The following PVALB variants were observed in gnomAD, a reference collection of about 807,000 sequenced individuals.
The protein encoded by PVALB is parvalbumin alpha.
PVALB carries 11 observed loss-of-function variants against 10.9 expected under a neutral mutation model. That is an observed-to-expected ratio of 1.01 (90% confidence interval 0.63 to 1.67). The LOEUF is 1.67. Among genes scored for constraint, PVALB ranks in the 40% most tolerant of loss-of-function variants. The pLI, the probability that PVALB is intolerant of heterozygous loss-of-function variation, is 0.00. For missense variants in PVALB, 131 were observed against 136.2 expected (o/e 0.96, Z 0.19); for synonymous variants, 57 against 50.7 (o/e 1.12, Z -0.53).
At chr22:36,810,176 C>T (rs1338636951) in intron 3 of PVALB, among the ~76,000 whole-genome samples, 1 of 152,368 alleles carries the variant, frequency 6.6e-6, no homozygotes, top group East Asian at 1.9e-4. Context: ...AGCCACTGCG[C>T]CCGGCATGCC....
upstream of PVALB, chr22:36,818,465 T>C (rs1939185422): frequency 6.5e-6 from 1 of 152,854 alleles, no homozygotes; most frequent in Non-Finnish European, 1.5e-5. Flanking sequence ...AGTCAGCTCC[T>C]TCAAGCCACA....
chr22:36,807,521 G>A lies in PVALB; in HGVS notation c.304+6125C>T, dbSNP rs1264004215. 3.3e-5 allele frequency among the ~76,000 whole-genome samples: 5 copies of A among 152,314 alleles called. No individual in the cohort carries two copies. The East Asian group carries it at 9.6e-4, about 29-fold the overall frequency. The stretch of plus-strand genomic sequence containing the variant: ...CTGCTTTAGACTCAATTTCCTTTCT[G>A]TTGAGGATTGAGATTCCACCACTTT... On this transcript the variant is annotated intron_variant, in intron 3 of 3. Coordinates refer to ENST00000417718, the MANE Select transcript of PVALB (RefSeq NM_001315532.2).
chr22:36,813,467 C>T, intron 3 of PVALB, 179 bp downstream of exon 3: 2 of 553,692 alleles, frequency 3.6e-6, no homozygotes, highest in Non-Finnish European at 6.5e-6. Context: ...ACCAGTTTTC[C>T]TTTGTCTGGA....
At chr22:36,813,214 G>A (rs1304336625) in intron 3 of PVALB, among the ~76,000 whole-genome samples, 2 of 152,338 alleles carry the variant, frequency 1.3e-5, no homozygotes, top group East Asian at 3.9e-4. Context: ...GAGGATGTGA[G>A]AGGCAGAGGA....
intron 3 of PVALB, among the ~76,000 whole-genome samples, chr22:36,810,997 C>T (rs535645208): frequency 2.6e-5 from 4 of 152,266 alleles, no homozygotes; most frequent in East Asian, 1.9e-4. Context: ...ATTGCATGGC[C>T]GGGTGCAGTG....
chr22:36,817,179 C>G (rs1033412579), upstream of PVALB: 24 of 500,900 alleles, frequency 4.8e-5, no homozygotes, highest in African/African-American at 4.3e-4. Context: ...CTCAGTCCAG[C>G]CGCGCCGCTG....
At chr22:36,815,437 G>C in intron 1 of PVALB, 1 of 681,662 alleles carries the variant, frequency 1.5e-6, no homozygotes. Flanking sequence ...GGGAGTGGAA[G>C]AGGTGTGCTC....
chr22:36,807,279 T>G (rs1302478512), intron 3 of PVALB, among the ~76,000 whole-genome samples: 1 of 152,106 alleles, frequency 6.6e-6, no homozygotes, highest in African/African-American at 2.4e-5. Context: ...AGTCTCTCAG[T>G]GGGCATCACA....
upstream of PVALB, among the ~76,000 whole-genome samples, chr22:36,819,039 G>A (rs1200019496): frequency 2.6e-5 from 4 of 152,066 alleles, no homozygotes; most frequent in Non-Finnish European, 4.4e-5. Context: ...CACCCCCTCC[G>A]GGACTGAGCC....
At chr22:36,811,312 G>A (rs945986898) in intron 3 of PVALB, among the ~76,000 whole-genome samples, 4 of 119,276 alleles carry the variant, frequency 3.4e-5, no homozygotes, top group East Asian at 3.2e-4. Context: ...AATAAATAAG[G>A]CATTGCAGTG....
intron 3 of PVALB, 151 bp from the exon 4 acceptor site, chr22:36,801,069 G>T: frequency 8.6e-6 from 6 of 695,654 alleles, no homozygotes; most frequent in Non-Finnish European, 1.3e-5. Flanking sequence ...ATGAATGAAT[G>T]AATAAATGAA....
chr22:36,802,556 G>A (rs573701514), intron 3 of PVALB, among the ~76,000 whole-genome samples: 5 of 134,532 alleles, frequency 3.7e-5, no homozygotes, highest in Admixed American at 8.4e-5. Context: ...AGCCGAGATC[G>A]TGCCACTGCA....
At chr22:36,813,071 T>G (rs1255897930) in intron 3 of PVALB, among the ~76,000 whole-genome samples, 1 of 152,206 alleles carries the variant, frequency 6.6e-6, no homozygotes, top group African/African-American at 2.4e-5. Flanking sequence ...TTTACTGTTT[T>G]TCCTGGCTCT....
upstream of PVALB, chr22:36,817,079 T>C: frequency 7.0e-7 from 1 of 1,424,426 alleles, no homozygotes; most frequent in Non-Finnish European, 9.6e-7. Flanking sequence ...TCTGCTCATA[T>C]GACCAGCGCT....
intron 3 of PVALB, among the ~76,000 whole-genome samples, chr22:36,809,680 C>T (rs1022029900): frequency 6.6e-6 from 1 of 152,122 alleles, no homozygotes; most frequent in African/African-American, 2.4e-5. Context: ...GTGCCTGGCA[C>T]ATATTGAGCG....
At chr22:36,814,254 A>T (rs948890561) in intron 2 of PVALB, among the ~76,000 whole-genome samples, 7 of 140,614 alleles carry the variant, frequency 5.0e-5, no homozygotes, top group Non-Finnish European at 9.2e-5. Context: ...GACAGGGGGA[A>T]GTCAGCCTCT....
chr22:36,817,572 T>A (rs564542685), upstream of PVALB: 2 of 153,154 alleles, frequency 1.3e-5, no homozygotes, highest in African/African-American at 4.8e-5. Context: ...GCTGAGGTCC[T>A]GAAACCTGAC....
At chr22:36,815,304 G>A (rs1297430952) in intron 1 of PVALB, 69 bp from the exon 2 acceptor site, 8 of 1,580,332 alleles carry the variant, frequency 5.1e-6, no homozygotes, top group South Asian at 3.3e-5. Flanking sequence ...AGAATGGGGG[G>A]CATCAAGGCA....
At chr22:36,814,779 C>G (rs1473314114) in intron 2 of PVALB, among the ~76,000 whole-genome samples, 1 of 152,170 alleles carries the variant, frequency 6.6e-6, no homozygotes, top group Non-Finnish European at 1.5e-5. Flanking sequence ...TCTGCCCTGC[C>G]TATGGTGTTA....
Sources: gnomAD v4.1 joint callset for allele counts (sites outside exome capture counted in the v4.1 genomes callset) on GRCh38, gnomAD v4.1.1 for gene constraint, MANE v1.5 for transcripts, NCBI Gene and HGNC (gene_info 2026-07-23, HGNC 2026-07-21) for gene names.